The following THSD7B variants were observed in gnomAD, a reference collection of about 807,000 sequenced individuals.
The protein encoded by THSD7B is thrombospondin type 1 domain containing 7B.
THSD7B carries 138 observed loss-of-function variants against 213.6 expected under a neutral mutation model. The ratio of observed to expected loss-of-function variants is 0.65; its 90% CI spans 0.56 to 0.74. The LOEUF is 0.74. Ranked by LOEUF, THSD7B falls within the 30% of genes least tolerant of loss-of-function variation. THSD7B has a pLI of 0.00. For missense variants in THSD7B, 1,931 were observed against 1,991.5 expected (o/e 0.97, Z 0.58); for synonymous variants, 742 against 687.0 (o/e 1.08, Z -1.25).
chr2:137,235,071 C>T (rs1681734692), intron 9 of THSD7B, among the ~76,000 whole-genome samples: 1 of 152,096 alleles, frequency 6.6e-6, no homozygotes, highest in Non-Finnish European at 1.5e-5. Context: ...CATTTAGTAT[C>T]ACCTGCTTCA....
rs767414427 is a variant in THSD7B at position 137,642,650 on chromosome 2, CAGTT to C, written c.3945+20_3945+23del. ...AAATTGGAGGTAGGTCATGTAATGA[CAGTT>C]AGAGAAATATTCATCAGTATATTCG... On this transcript the variant is annotated intron_variant, in intron 21 of 27. Transcript: ENST00000409968. The C allele has an allele frequency of 1.1e-5, 18 of 1,611,788 alleles. No individual in the cohort carries two copies. Among genetic ancestry groups the C allele is most frequent in the Middle Eastern group, 3.3e-4 (2 of 6,070 alleles).
chr2:137,277,766 A>G lies in THSD7B; in HGVS notation c.2500+1740A>G, dbSNP rs1286486702. 3.3e-5 allele frequency among the ~76,000 whole-genome samples: 5 copies of G among 152,078 alleles called. No homozygotes were observed. The East Asian group carries it at 9.7e-4, about 29-fold the overall frequency. ...GGGAGCTGGAGAGAAATAAAATGGT[A>G]TATCCTGGACAACTCCAGGAAGAAA... On this transcript the variant is annotated intron_variant, in intron 12 of 27. Coordinates refer to ENST00000409968, the MANE Select transcript of THSD7B (RefSeq NM_001316349.2).
intron 4 of THSD7B, among the ~76,000 whole-genome samples, chr2:137,103,615 C>T (rs576576758): frequency 3.3e-5 from 5 of 151,924 alleles, no homozygotes; most frequent in South Asian, 2.1e-4. Flanking sequence ...CAATACCCAT[C>T]GGTGTGTTGT....
chr2:137,279,447 G>A (rs1359046858), intron 12 of THSD7B, among the ~76,000 whole-genome samples: 1 of 152,136 alleles, frequency 6.6e-6, no homozygotes, highest in Non-Finnish European at 1.5e-5. Context: ...GAAGGCTGAG[G>A]TGGGAGGATT....
intron 21 of THSD7B, among the ~76,000 whole-genome samples, chr2:137,649,687 A>G (rs1012809092): frequency 4.6e-5 from 7 of 152,170 alleles, no homozygotes; most frequent in Admixed American, 4.6e-4. Context: ...ATCTGTTTTT[A>G]TGCCAGTGCC....
intron 2 of THSD7B, among the ~76,000 whole-genome samples, chr2:136,986,191 TA>T (rs57781783): frequency 0.41 from 62,627 of 151,892 alleles, 15,278 homozygotes; most frequent in Non-Finnish European, 0.55. Flanking sequence ...AAATTAAGAT[TA>T]GGGGGGGACT....
intron 21 of THSD7B, among the ~76,000 whole-genome samples, chr2:137,651,904 G>A (rs76268841): frequency 0.049 from 7,442 of 152,026 alleles, 364 homozygotes; most frequent in East Asian, 0.25. Context: ...ATTCCCTTGT[G>A]ATCAGAAAAC....
intron 5 of THSD7B, among the ~76,000 whole-genome samples, chr2:137,130,918 G>A (rs1319340542): frequency 6.6e-6 from 1 of 151,288 alleles, no homozygotes; most frequent in Non-Finnish European, 1.5e-5. Flanking sequence ...TGGGTCAAAT[G>A]GTATTTCTAG....
intron 1 of THSD7B, among the ~76,000 whole-genome samples, chr2:136,860,541 T>G (rs1683242975): frequency 6.6e-6 from 1 of 152,206 alleles, no homozygotes; most frequent in African/African-American, 2.4e-5. Context: ...AGCAATTTTA[T>G]TCTTTCAATT....
At chr2:137,271,429 A>AAT in intron 10 of THSD7B, among the ~76,000 whole-genome samples, 1 of 135,724 alleles carries the variant, frequency 7.4e-6, no homozygotes, top group African/African-American at 2.9e-5. Context: ...ATAATTATAT[A>AAT]ATATATATAA....
At chr2:137,325,619 A>G (rs1684353073) in intron 12 of THSD7B, among the ~76,000 whole-genome samples, 1 of 152,200 alleles carries the variant, frequency 6.6e-6, no homozygotes, top group African/African-American at 2.4e-5. Context: ...ACACATGAAT[A>G]CGTTTAGCAC....
intron 15 of THSD7B, among the ~76,000 whole-genome samples, chr2:137,541,052 A>T (rs1268846139): frequency 6.6e-6 from 1 of 151,782 alleles, no homozygotes; most frequent in Non-Finnish European, 1.5e-5. Flanking sequence ...ACGTATAGCC[A>T]CTCAGCAAAG....
chr2:137,021,586 ACAGATTTCCCAT>A (rs1686446546), intron 2 of THSD7B, among the ~76,000 whole-genome samples: 2 of 152,228 alleles, frequency 1.3e-5, no homozygotes, highest in Non-Finnish European at 2.9e-5. Flanking sequence ...AAGAAATAGT[ACAGATTTCCCAT>A]GTGTCTTTTA....
At chr2:136,909,993 A>G (rs1296837121) in intron 2 of THSD7B, among the ~76,000 whole-genome samples, 1 of 152,152 alleles carries the variant, frequency 6.6e-6, no homozygotes, top group African/African-American at 2.4e-5. Context: ...GTCTTCAGAT[A>G]TATATTAACT....
At position 136,936,072 on chromosome 2, in the gene THSD7B, A is replaced by G. The variant is rs1684721476; in HGVS notation, c.139+53755A>G. Among the ~76,000 whole-genome samples the G allele has an allele frequency of 2.0e-5, 3 of 151,490 alleles. No individual in the cohort carries two copies. The South Asian group carries it at 6.2e-4, about 31-fold the overall frequency. ...TAACAGCTTTATTGATATAAAATTC[A>G]TATATGATAAAATTTACCCATTTAA... On this transcript the variant is annotated intron_variant, in intron 2 of 27. Coordinates refer to ENST00000409968, the MANE Select transcript of THSD7B (RefSeq NM_001316349.2).
intron 15 of THSD7B, among the ~76,000 whole-genome samples, chr2:137,460,787 C>T (rs115856600): frequency 6.6e-6 from 1 of 152,112 alleles, no homozygotes; most frequent in Admixed American, 6.6e-5. Flanking sequence ...TAAACATTCT[C>T]TCTCACTTAC....
At chr2:136,825,923 T>C (rs1167268045) in intron 1 of THSD7B, among the ~76,000 whole-genome samples, 2 of 152,044 alleles carry the variant, frequency 1.3e-5, no homozygotes, top group Non-Finnish European at 2.9e-5. Context: ...GAAAATAATC[T>C]CTCCATCTCC....
At chr2:137,291,578 T>C (rs1683339612) in intron 12 of THSD7B, among the ~76,000 whole-genome samples, 1 of 152,136 alleles carries the variant, frequency 6.6e-6, no homozygotes, top group African/African-American at 2.4e-5. Context: ...ATGCAGAAAT[T>C]ATAACACATT....
At chr2:137,665,067 AC>A (rs1433680890) in intron 26 of THSD7B, among the ~76,000 whole-genome samples, 1 of 152,212 alleles carries the variant, frequency 6.6e-6, no homozygotes, top group Non-Finnish European at 1.5e-5. Context: ...TTTAAGAATT[AC>A]CACCATATCT....
Sources: allele counts gnomAD v4.1 joint callset (sites outside exome capture counted in the v4.1 genomes callset), GRCh38; gene constraint gnomAD v4.1.1; transcripts MANE v1.5; gene names NCBI Gene and HGNC (gene_info 2026-07-23, HGNC 2026-07-21).